UNC13A: variants seen among roughly 807,000 people sequenced by gnomAD.
UNC13A encodes the protein unc-13 homolog A.
Under a neutral mutation model 219.7 loss-of-function variants are expected in UNC13A, and 61 were observed. The observed-to-expected ratio is 0.28, with a 90% CI of 0.23 to 0.34. The LOEUF (loss-of-function observed/expected upper bound fraction) is 0.34, where lower values mean the gene tolerates loss of function less well. Ranked by LOEUF, UNC13A falls within the 10% of genes least tolerant of loss-of-function variation. The pLI is 1.00. For missense variants in UNC13A, 1,476 were observed against 2,270.3 expected (o/e 0.65, Z 7.11); for synonymous variants, 920 against 884.6 (o/e 1.04, Z -0.71).
intron 8 of UNC13A, among the ~76,000 whole-genome samples, chr19:17,661,217 G>T (rs914623347): frequency 6.6e-6 from 1 of 151,930 alleles, no homozygotes; most frequent in Non-Finnish European, 1.5e-5. Flanking sequence ...GGAATTACAG[G>T]TGTGAGCCAG....
At position 17,604,216 on chromosome 19, in the gene UNC13A, G is replaced by T. The variant is rs920844625; in HGVS notation, c.*1838C>A. 3.3e-5 allele frequency: 5 copies of T among 152,170 alleles called. No individual in the cohort carries two copies. The highest frequency in any genetic ancestry group is 1.2e-4 in the African/African-American group (5 of 41,410). 9.4% of individuals were successfully genotyped at this position (152,170 alleles called of 1,614,324 possible). On this transcript the variant is annotated 3_prime_UTR_variant, in exon 44 of 44. Transcript: ENST00000519716. ...TTTTAGTCTTCACAAAACAGCTTTT[G>T]CAGGCTGGAATCCAGTCTCTCCCCA...
chr19:17,675,957 GAGACAGACAGAC>G lies in UNC13A; in HGVS notation c.52+43_52+54del, dbSNP rs112409090. 1.1e-5 allele frequency: 16 copies of G among 1,514,310 alleles called. No individual in the cohort carries two copies. The Admixed American group carries it at 3.0e-4, about 28-fold the overall frequency. 93.8% of individuals were successfully genotyped at this position (1,514,310 alleles called of 1,614,324 possible). ...TGGGACCCCCTCCCAGTCTCTCCAA[GAGACAGACAGAC>G]AGACAGACAACACGGGACAGGACAG... On this transcript the variant is annotated intron_variant, in intron 2 of 43. Coordinates refer to ENST00000519716, the MANE Select transcript of UNC13A (RefSeq NM_001080421.3).
intron 41 of UNC13A, among the ~76,000 whole-genome samples, chr19:17,614,750 C>A (rs1198832934): frequency 6.6e-6 from 1 of 152,104 alleles, no homozygotes; most frequent in Non-Finnish European, 1.5e-5. Flanking sequence ...TTGCTGCACG[C>A]CCCAGGCCGT....
intron 43 of UNC13A, among the ~76,000 whole-genome samples, chr19:17,608,393 TA>T (rs1331309686): frequency 1.4e-4 from 19 of 135,210 alleles, no homozygotes; most frequent in African/African-American, 5.3e-4. Context: ...AATATATATA[TA>T]TTTATATATA....
chr19:17,639,037 G>A (rs764680565), intron 25 of UNC13A, 46 bp downstream of exon 25: 2 of 1,535,848 alleles, frequency 1.3e-6, no homozygotes, highest in South Asian at 1.2e-5. Flanking sequence ...TGAAGCCTGT[G>A]TCTAGTTGGC....
chr19:17,608,752 G>A (rs914767630), intron 43 of UNC13A, among the ~76,000 whole-genome samples: 131 of 151,542 alleles, frequency 8.6e-4, no homozygotes, highest in African/African-American at 3.1e-3. Context: ...TCCTGACCTC[G>A]TGATCTGCCC....
intron 7 of UNC13A, among the ~76,000 whole-genome samples, chr19:17,665,384 A>G (rs971778146): frequency 3.3e-5 from 5 of 152,192 alleles, no homozygotes; most frequent in African/African-American, 1.2e-4. Flanking sequence ...TCCTCCATCC[A>G]TGAAAAGACC....
intron 25 of UNC13A, among the ~76,000 whole-genome samples, chr19:17,637,299 AT>A (rs35106865): frequency 0.5 from 68,794 of 137,152 alleles, 16,409 homozygotes; most frequent in African/African-American, 0.52. Flanking sequence ...GTCAAGAACA[AT>A]TTTTTTTTTT....
rs1253691781 is a variant in UNC13A at position 17,674,692 on chromosome 19, C to T, written c.117G>A (p.Arg39=). Residue 39 remains arginine (R), a synonymous_variant, in exon 3 of 44, where the codon CGG becomes CGA. Transcript: ENST00000519716. This position sits in a 1 kb window ranked among gnomAD's most constrained non-coding sequence, Gnocchi z 5.0. ...QNVKSTTIAV[R]GSQPSWEQDF... is the part of the protein sequence containing the mutation. ...CCTGCTCCCAGCTGGGCTGGCTGCC[C>T]CGCACCGCGATGGTCGTGCTCTTGA... 2.5e-6 allele frequency: 4 copies of T among 1,613,942 alleles called. No homozygotes were observed. The highest frequency in any genetic ancestry group is 1.7e-6 in the Non-Finnish European group (2 of 1,179,876).
chr19:17,633,152 A>G lies in UNC13A; in HGVS notation c.3257T>C (p.Val1086Ala). 2.5e-6 allele frequency: 4 copies of G among 1,614,122 alleles called. No individual in the cohort carries two copies. Among genetic ancestry groups the G allele is most frequent in the Non-Finnish European group, 1.7e-6 (2 of 1,180,002 alleles). The change falls in exon 27 of 44, where the codon GTG (valine) becomes GCG (alanine). Residue 1086 changes from valine (V) to alanine (A), a missense_variant. By Grantham distance (64) the Val-to-Ala change is moderately conservative. Transcript: ENST00000519716. ...GTCTTGGGCAAACAGATTCCACATC[A>G]CTTCAGCGCTGATTTTACCCACATT... ...ELNVGKISAE[V>A]MWNLFAQDMK...
chr19:17,670,161 T>G, intron 4 of UNC13A, among the ~76,000 whole-genome samples: 1 of 151,868 alleles, frequency 6.6e-6, no homozygotes, highest in Non-Finnish European at 1.5e-5. Flanking sequence ...TTAGCCAGGA[T>G]GGTCTCAATC....
chr19:17,666,199 T>TCTCTCTCTCTCTCTCTCTTTCTTTC lies in UNC13A; in HGVS notation c.523+450_523+451insGAAAGAAAGAGAGAGAGAGAGAGAG, dbSNP rs760106069. Among the ~76,000 whole-genome samples, 247 of 144,168 alleles carry TCTCTCTCTCTCTCTCTCTTTCTTTC rather than the reference T, an allele frequency of 1.7e-3. 2 individuals are homozygous for TCTCTCTCTCTCTCTCTCTTTCTTTC. The highest frequency in any genetic ancestry group is 7.6e-4 in the Non-Finnish European group (51 of 67,018). The allele number at this position is 144,168 out of a possible 152,430, so 94.6% of individuals were successfully genotyped here. On this transcript the variant is annotated intron_variant, in intron 7 of 43. Coordinates refer to ENST00000519716, the MANE Select transcript of UNC13A (RefSeq NM_001080421.3). Reference sequence around the variant, plus strand: ...TCTTTCTCTCTCTCTCTTTCTCTCTTTCTTTCTCTTTCTTTCCTTCCTTCT... The same window carrying TCTCTCTCTCTCTCTCTCTTTCTTTC: ...TCTTTCTCTCTCTCTCTTTCTCTCTTCTCTCTCTCTCTCTCTCTTTCTTTCTCTTTCTCTTTCTTTCCTTCCTTCT...
At chr19:17,622,085 C>A (rs2076735212) in intron 36 of UNC13A, among the ~76,000 whole-genome samples, 1 of 151,356 alleles carries the variant, frequency 6.6e-6, no homozygotes, top group Non-Finnish European at 1.5e-5. Flanking sequence ...GTGTGAGAGG[C>A]AGAGACAGGA....
At position 17,623,541 on chromosome 19, in the gene UNC13A, C is replaced by T. The variant is rs773262482; in HGVS notation, c.4203+1G>A. The T allele has an allele frequency of 1.4e-6, 2 of 1,461,434 alleles. No individual in the cohort carries two copies. The highest frequency in any genetic ancestry group is 1.8e-6 in the Non-Finnish European group (2 of 1,105,198). The allele number at this position is 1,461,434 out of a possible 1,614,324, so 90.5% of individuals were successfully genotyped here. On this transcript the variant is annotated splice_donor_variant, in intron 36 of 43. Transcript: ENST00000519716. LOFTEE classifies it high-confidence loss of function. ...AGACGGACAGACGGGACTCTACTTA[C>T]GATCATCTGTCATCCGTGATGGGGG...
In UNC13A at chr19:17,686,298, G is replaced by GC. The variant is rs533722538; in HGVS notation, c.22+1879dup. Among the ~76,000 whole-genome samples, 43 of 81,840 alleles carry GC rather than the reference G, an allele frequency of 5.3e-4. 3 individuals are homozygous for GC. Among genetic ancestry groups the GC allele is most frequent in the Non-Finnish European group, 8.6e-4 (32 of 37,414 alleles). 53.7% of individuals were successfully genotyped at this position (81,840 alleles called of 152,430 possible). A position where few individuals can be genotyped will look rare whatever the true frequency, so the allele number is the denominator to read the frequency against. On this transcript the variant is annotated intron_variant, in intron 1 of 43. Coordinates refer to ENST00000519716, the MANE Select transcript of UNC13A (RefSeq NM_001080421.3). ...CGTCAGAGTTAAGGGTGAGATCCCC[G>GC]CCCCCCCCCCCCCCCCCCCACTCCA...
chr19:17,686,312 C>G (rs1053550695), intron 1 of UNC13A, among the ~76,000 whole-genome samples: 7 of 116,120 alleles, frequency 6.0e-5, no homozygotes, highest in South Asian at 3.2e-4. Context: ...CCCCCCCCCC[C>G]CCCCCACTCC....
At chr19:17,636,698 G>A (rs80093723) in intron 25 of UNC13A, among the ~76,000 whole-genome samples, 1 of 152,090 alleles carries the variant, frequency 6.6e-6, no homozygotes, top group African/African-American at 2.4e-5. Context: ...AACCCAATCC[G>A]ATTCTACCTA....
intron 26 of UNC13A, among the ~76,000 whole-genome samples, chr19:17,635,740 C>G (rs1271529834): frequency 5.3e-5 from 8 of 152,076 alleles, no homozygotes; most frequent in African/African-American, 1.9e-4. Flanking sequence ...CCTACATACA[C>G]ATAAAAAATT....
At chr19:17,629,764 A>G (rs1273554988) in intron 30 of UNC13A, among the ~76,000 whole-genome samples, 1 of 151,864 alleles carries the variant, frequency 6.6e-6, no homozygotes, top group Non-Finnish European at 1.5e-5. Context: ...CCAAATCAAG[A>G]CCCAGCACAG....
Sources: allele counts gnomAD v4.1 joint callset (sites outside exome capture counted in the v4.1 genomes callset), GRCh38; gene constraint gnomAD v4.1.1; non-coding constraint Gnocchi (gnomAD v3.1); transcripts MANE v1.5; gene names NCBI Gene and HGNC (gene_info 2026-07-23, HGNC 2026-07-21).